Variants in LETM1 observed in about 807,000 individuals in gnomAD.
The protein encoded by LETM1 is leucine zipper and EF-hand containing transmembrane protein 1, also known as mitochondrial proton/calcium exchanger protein.
A neutral mutation model predicts 74.5 loss-of-function variants in LETM1; 50 were observed. The observed-to-expected ratio is 0.67, with a 90% CI of 0.53 to 0.85. The LOEUF is 0.85. LETM1 is among the 40% of genes least tolerant of loss of function. The probability of loss-of-function intolerance (pLI) is 0.00; values close to 1 mark genes in which losing one functional copy is unlikely to be tolerated. For synonymous variants in LETM1, 446 were observed against 407.1 expected, an observed-to-expected ratio of 1.10 and a Z score of -1.15; for missense variants, 824 against 967.8, an observed-to-expected ratio of 0.85 and a Z score of 1.97.
rs549635011 is a variant in LETM1 at position 1,841,148 on chromosome 4, G to C, written c.594+199C>G. ...GAGGATCATTTAAGCCCAGGAGCTTGAGACCAGCCTGGGCAACAAAGTGGG... is the reference window on the plus strand; with the variant it reads ...GAGGATCATTTAAGCCCAGGAGCTTCAGACCAGCCTGGGCAACAAAGTGGG... On this transcript the variant is annotated intron_variant, in intron 3 of 13. Transcript: ENST00000302787. 2.0e-3 allele frequency among the ~76,000 whole-genome samples: 308 copies of C among 152,262 alleles called. 1 individual carries two copies. The highest frequency in any genetic ancestry group is 7.1e-3 in the African/African-American group (294 of 41,536).
intron 1 of LETM1, among the ~76,000 whole-genome samples, chr4:1,853,880 C>T (rs1426691776): frequency 6.6e-6 from 1 of 152,202 alleles, no homozygotes; most frequent in Non-Finnish European, 1.5e-5. Flanking sequence ...ACTGTTTCTA[C>T]AGCAGACCTG....
intron 4 of LETM1, among the ~76,000 whole-genome samples, chr4:1,835,423 AGAGCGAAACTCC>A (rs1303670412): frequency 6.6e-6 from 1 of 152,128 alleles, no homozygotes; most frequent in Non-Finnish European, 1.5e-5. Flanking sequence ...CCTGGGTGAC[AGAGCGAAACTCC>A]GTCTCAAAAA....
rs1007896822 is a variant in LETM1 at position 1,816,858 on chromosome 4, T to C, written c.1800A>G (p.Glu600=). 7 of 1,614,018 alleles carry C rather than the reference T, an allele frequency of 4.3e-6. No individual in the cohort carries two copies. Among genetic ancestry groups the C allele is most frequent in the Admixed American group, 3.3e-5 (2 of 60,014 alleles). ...TCAATCTCTTGCTGGCTTTAGATTC[T>C]TCCACGTACTTTTCTTCACCAGTCT... ...LSKTGEEKYV[E]ESKASKRLTK... Residue 600 remains glutamate (E), a synonymous_variant, in exon 12 of 14, where the codon GAA becomes GAG. Transcript: ENST00000302787.
At chr4:1,823,559 G>A in intron 8 of LETM1, 85 bp downstream of exon 8, 1 of 1,549,114 alleles carries the variant, frequency 6.5e-7, no homozygotes. Context: ...TGAGGAATGA[G>A]TGCGCTTGCA....
intron 6 of LETM1, among the ~76,000 whole-genome samples, chr4:1,828,517 C>G (rs1712108321): frequency 1.6e-5 from 2 of 126,236 alleles, no homozygotes; most frequent in Admixed American, 1.4e-4. Flanking sequence ...GACCCCCCCC[C>G]CCACCTCCCT....
chr4:1,827,413 TTC>T (rs1712035839), intron 6 of LETM1, among the ~76,000 whole-genome samples: 1 of 123,172 alleles, frequency 8.1e-6, no homozygotes, highest in African/African-American at 3.2e-5. Flanking sequence ...GTCTCTGGTT[TTC>T]CTAGGCAGAG....
chr4:1,839,896 AC>A (rs1712627099), intron 3 of LETM1, among the ~76,000 whole-genome samples: 1 of 152,114 alleles, frequency 6.6e-6, no homozygotes, highest in Non-Finnish European at 1.5e-5. Context: ...ACCTTGCCTT[AC>A]GGTCTCTTGA....
At position 1,813,339 on chromosome 4, in the gene LETM1, G is replaced by C. The variant is rs551956503; in HGVS notation, c.*1085C>G. ...GGAACCAACCTGACCTTAAAAAGAT[G>C]AGTGTGACACAGCCGGCTGGGCAGG... is the stretch of plus-strand genomic sequence containing the variant. On this transcript the variant is annotated 3_prime_UTR_variant, in exon 14 of 14. Transcript: ENST00000302787. 6.6e-6 allele frequency: 1 copy of C among 152,486 alleles called. No homozygotes were observed. The highest frequency in any genetic ancestry group is 2.1e-4 in the South Asian group (1 of 4,834). The allele number at this position is 152,486 out of a possible 1,614,324, so 9.4% of individuals were successfully genotyped here.
At chr4:1,825,064 A>G (rs1031718886) in intron 7 of LETM1, among the ~76,000 whole-genome samples, 1 of 152,184 alleles carries the variant, frequency 6.6e-6, no homozygotes, top group African/African-American at 2.4e-5. Flanking sequence ...TGTAAGAGTG[A>G]GTGGCTGGGG....
intron 6 of LETM1, among the ~76,000 whole-genome samples, chr4:1,828,888 G>T (rs866093250): frequency 9.1e-6 from 1 of 109,540 alleles, no homozygotes; most frequent in African/African-American, 4.1e-5. Flanking sequence ...CCTCCCGGAC[G>T]GGGCGGCTGG....
intron 1 of LETM1, among the ~76,000 whole-genome samples, chr4:1,849,505 T>C (rs529991452): frequency 8.5e-5 from 13 of 152,206 alleles, no homozygotes; most frequent in African/African-American, 3.1e-4. Flanking sequence ...CGACCTCAGG[T>C]GATCCGCCCG....
intron 3 of LETM1, among the ~76,000 whole-genome samples, chr4:1,840,135 T>C (rs1712635530): frequency 6.6e-6 from 1 of 152,234 alleles, no homozygotes; most frequent in Non-Finnish European, 1.5e-5. Flanking sequence ...CCCAGCACTT[T>C]GCGAGGCCAA....
intron 7 of LETM1, among the ~76,000 whole-genome samples, chr4:1,824,460 A>C (rs562775591): frequency 6.6e-6 from 1 of 152,272 alleles, no homozygotes; most frequent in African/African-American, 2.4e-5. Flanking sequence ...ACACCAAGAC[A>C]ATCTCCAAAT....
intron 6 of LETM1, among the ~76,000 whole-genome samples, chr4:1,829,940 TTGACTC>T (rs1712209276): frequency 6.6e-6 from 1 of 152,250 alleles, no homozygotes; most frequent in African/African-American, 2.4e-5. Context: ...GTTCATTAGT[TTGACTC>T]TGACGTGACT....
chr4:1,843,699 C>A (rs949070777), intron 2 of LETM1, among the ~76,000 whole-genome samples: 1 of 152,218 alleles, frequency 6.6e-6, no homozygotes, highest in Non-Finnish European at 1.5e-5. Flanking sequence ...CCTCGGTCAC[C>A]TCCCCAATCC....
chr4:1,829,571 T>C (rs1400283209), intron 6 of LETM1, among the ~76,000 whole-genome samples: 2 of 152,226 alleles, frequency 1.3e-5, no homozygotes, highest in Admixed American at 1.3e-4. Flanking sequence ...TCCCAACATT[T>C]TGGGAGGCCA....
At chr4:1,825,217 G>C (rs555653853) in intron 7 of LETM1, among the ~76,000 whole-genome samples, 1 of 152,362 alleles carries the variant, frequency 6.6e-6, no homozygotes, top group East Asian at 1.9e-4. Context: ...AGTTCAGAAA[G>C]AGTCAAAATG....
In LETM1 at chr4:1,812,695, G is replaced by A. The variant is rs1236003289; in HGVS notation, c.*1729C>T. ...ACGAGGGAGAATGACGAGGGAGCAAGCCTGCATCAGAGCACGGCTGATGTC... is the reference window on the plus strand; with the variant it reads ...ACGAGGGAGAATGACGAGGGAGCAAACCTGCATCAGAGCACGGCTGATGTC... On this transcript the variant is annotated 3_prime_UTR_variant, in exon 14 of 14. Coordinates refer to ENST00000302787, the MANE Select transcript of LETM1 (RefSeq NM_012318.3). 5 of 152,388 alleles carry A rather than the reference G, an allele frequency of 3.3e-5. No individual in the cohort carries two copies. The highest frequency in any genetic ancestry group is 2.6e-4 in the Admixed American group (4 of 15,284). The allele number at this position is 152,388 out of a possible 1,614,324, so 9.4% of individuals were successfully genotyped here. A position where few individuals can be genotyped will look rare whatever the true frequency, so the allele number is the denominator to read the frequency against.
At position 1,834,768 on chromosome 4, in the gene LETM1, G is replaced by C; in HGVS notation, c.876+77C>G. On this transcript the variant is annotated intron_variant, in intron 5 of 13. Coordinates refer to ENST00000302787, the MANE Select transcript of LETM1 (RefSeq NM_012318.3). The surrounding 1 kb of genome is among the most constrained non-coding windows in gnomAD (Gnocchi z 5.0). ...GCACCTGGGGGAGCTCCACTCTGCTGAGCACAGCGAAAGGGAAACAGAAAA... is the reference window on the plus strand; with the variant it reads ...GCACCTGGGGGAGCTCCACTCTGCTCAGCACAGCGAAAGGGAAACAGAAAA... The C allele has an allele frequency of 6.3e-7, 1 of 1,589,674 alleles. No individual in the cohort carries two copies. The highest frequency in any genetic ancestry group is 2.2e-5 in the East Asian group (1 of 44,510).
Sources: gnomAD v4.1 joint callset for allele counts (sites outside exome capture counted in the v4.1 genomes callset) on GRCh38, gnomAD v4.1.1 for gene constraint, Gnocchi (gnomAD v3.1) non-coding constraint, MANE v1.5 for transcripts, NCBI Gene and HGNC (gene_info 2026-07-23, HGNC 2026-07-21) for gene names.